The following ADAM2 variants were observed in gnomAD, a reference collection of about 807,000 sequenced individuals.
ADAM2 encodes ADAM metallopeptidase domain 2, also known as disintegrin and metalloproteinase domain-containing protein 2.
In ADAM2, 101 loss-of-function variants were observed where a neutral mutation model predicts 99.3. That is an observed-to-expected ratio of 1.02 (90% confidence interval 0.87 to 1.20). The LOEUF is 1.20. ADAM2 is among the 50% of genes most tolerant of loss of function. The pLI is 0.00. For synonymous variants in ADAM2, 323 were observed against 287.6 expected (o/e 1.12, Z -1.25); for missense variants, 948 against 878.7 (o/e 1.08, Z -1.00).
chr8:39,767,328 A>G lies in ADAM2; in HGVS notation c.1213-77T>C. The stretch of plus-strand genomic sequence containing the variant: ...GGACAGGCATGTTCATAAAGACAAC[A>G]TATTATATAACATACACATAGGTGC... On this transcript the variant is annotated intron_variant, in intron 12 of 20. Transcript: ENST00000265708. 4.0e-6 allele frequency: 5 copies of G among 1,236,812 alleles called. No homozygotes were observed. In the South Asian group the frequency reaches 6.4e-5, roughly 16 times the overall value. 76.6% of individuals were successfully genotyped at this position (1,236,812 alleles called of 1,614,324 possible).
At chr8:39,815,657 T>C (rs1243557335) in intron 6 of ADAM2, among the ~76,000 whole-genome samples, 1 of 152,162 alleles carries the variant, frequency 6.6e-6, no homozygotes, top group Admixed American at 6.6e-5. Flanking sequence ...GGCAGGGAAT[T>C]ACATGAAATT....
At chr8:39,809,725 G>C (rs1804613295) in intron 6 of ADAM2, among the ~76,000 whole-genome samples, 1 of 151,802 alleles carries the variant, frequency 6.6e-6, no homozygotes, top group South Asian at 2.1e-4. Flanking sequence ...TTGGTTCCAA[G>C]CTATTCATAT....
intron 7 of ADAM2, among the ~76,000 whole-genome samples, chr8:39,793,212 G>A (rs147144289): frequency 5.7e-4 from 87 of 152,134 alleles, no homozygotes; most frequent in Admixed American, 1.5e-3. Context: ...TAGTATTTAG[G>A]TCTGAAGTCT....
intron 11 of ADAM2, among the ~76,000 whole-genome samples, chr8:39,775,067 C>A (rs560150722): frequency 5.3e-5 from 8 of 152,094 alleles, no homozygotes; most frequent in South Asian, 4.2e-4. Context: ...CTTCTTTCTG[C>A]GGGGCCCACA....
chr8:39,788,588 A>G (rs1017457573), intron 8 of ADAM2, 81 bp downstream of exon 8: 2 of 938,458 alleles, frequency 2.1e-6, no homozygotes, highest in Admixed American at 2.6e-5. Flanking sequence ...CAACGTGTGG[A>G]TTCATGTAGT....
intron 10 of ADAM2, among the ~76,000 whole-genome samples, chr8:39,782,737 G>C (rs1006382471): frequency 2.6e-5 from 4 of 151,844 alleles, no homozygotes; most frequent in African/African-American, 9.7e-5. Flanking sequence ...CTAATATTTG[G>C]ATAATTTGTT....
chr8:39,760,059 G>T (rs945385158), intron 15 of ADAM2, among the ~76,000 whole-genome samples: 2 of 151,930 alleles, frequency 1.3e-5, no homozygotes, highest in African/African-American at 4.8e-5. Flanking sequence ...TAGAGACGGG[G>T]ATTCACCAGG....
intron 1 of ADAM2, among the ~76,000 whole-genome samples, chr8:39,837,459 T>G (rs1393660978): frequency 2.6e-5 from 4 of 152,016 alleles, no homozygotes; most frequent in Non-Finnish European, 5.9e-5. Flanking sequence ...AGATCTCTGC[T>G]CACTGCAACC....
At position 39,767,157 on chromosome 8, in the gene ADAM2, C is replaced by G. The variant is rs1410981731; in HGVS notation, c.1307G>C (p.Cys436Ser). Residue 436 changes from cysteine (C) to serine (S), a missense_variant, in exon 13 of 21, where the codon TGT (cysteine) becomes TCT (serine). Coordinates refer to ENST00000265708, the MANE Select transcript of ADAM2 (RefSeq NM_001464.5). ...AATTTTTCAAAAAGCTCTTACTAGA[C>G]AGTTTTCGCAGCATGGTCCTTCAGC... ...NCAEGPCCEN[C>S]LFMSKERMCR... 2 of 1,605,548 alleles carry G rather than the reference C, an allele frequency of 1.2e-6. No individual in the cohort carries two copies.
intron 15 of ADAM2, among the ~76,000 whole-genome samples, chr8:39,758,248 T>G (rs1802224418): frequency 1.3e-5 from 2 of 151,696 alleles, no homozygotes; most frequent in South Asian, 2.1e-4. Context: ...AAAAAAGAAA[T>G]AAAGGGCCAC....
chr8:39,836,204 CATTTTTT>C lies in ADAM2; in HGVS notation c.132+925_132+931del, dbSNP rs200524782. Among the ~76,000 whole-genome samples the C allele has an allele frequency of 3.3e-4, 50 of 151,626 alleles. No individual in the cohort carries two copies. In the East Asian group the frequency reaches 9.7e-3, roughly 29 times the overall value. On this transcript the variant is annotated intron_variant, in intron 2 of 20. Coordinates refer to ENST00000265708, the MANE Select transcript of ADAM2 (RefSeq NM_001464.5). ...CATGAATTTGACAGTTGAAAATGGG[CATTTTTT>C]TTTACTTATTGCAAATAACTATCTT...
At chr8:39,781,975 C>A (rs1222242173) in intron 10 of ADAM2, among the ~76,000 whole-genome samples, 4 of 152,114 alleles carry the variant, frequency 2.6e-5, no homozygotes, top group Non-Finnish European at 2.9e-5. Context: ...GGAAAACTAA[C>A]CTTTTAAATA....
chr8:39,755,966 A>G, intron 15 of ADAM2, 55 bp from the exon 16 acceptor site: 1 of 990,006 alleles, frequency 1.0e-6, no homozygotes. Context: ...AAGTACAAGA[A>G]TATAATTTTT....
intron 7 of ADAM2, among the ~76,000 whole-genome samples, chr8:39,798,365 A>G (rs1294499608): frequency 2.0e-5 from 3 of 152,236 alleles, no homozygotes; most frequent in Non-Finnish European, 4.4e-5. Flanking sequence ...ATGTTGAACC[A>G]GCCTTGCATC....
intron 7 of ADAM2, among the ~76,000 whole-genome samples, chr8:39,791,686 G>A (rs984419963): frequency 1.3e-5 from 2 of 152,056 alleles, no homozygotes; most frequent in African/African-American, 2.4e-5. Flanking sequence ...TTGTAGCAAA[G>A]CATATGACCT....
chr8:39,788,952 T>C (rs562969106), intron 7 of ADAM2, among the ~76,000 whole-genome samples: 1 of 151,610 alleles, frequency 6.6e-6, no homozygotes, highest in Non-Finnish European at 1.5e-5. Context: ...ATTTTTTCCA[T>C]AGAAATTTAA....
chr8:39,746,974 A>T (rs546411735), intron 18 of ADAM2, among the ~76,000 whole-genome samples: 1 of 152,242 alleles, frequency 6.6e-6, no homozygotes, highest in South Asian at 2.1e-4. Flanking sequence ...GTTGACAGGA[A>T]CTTCCCCACC....
intron 16 of ADAM2, among the ~76,000 whole-genome samples, chr8:39,751,968 GA>G (rs1423285318): frequency 6.6e-6 from 1 of 152,126 alleles, no homozygotes; most frequent in Non-Finnish European, 1.5e-5. Flanking sequence ...AAGTAACTGG[GA>G]TTACAGGCTT....
intron 5 of ADAM2, 90 bp downstream of exon 5, chr8:39,821,495 CT>C: frequency 9.6e-7 from 1 of 1,040,248 alleles, no homozygotes; most frequent in Non-Finnish European, 1.4e-6. Context: ...TCATGCCACA[CT>C]TTAGAACCAC....
Sources: allele counts gnomAD v4.1 joint callset (sites outside exome capture counted in the v4.1 genomes callset), GRCh38; gene constraint gnomAD v4.1.1; transcripts MANE v1.5; gene names NCBI Gene and HGNC (gene_info 2026-07-23, HGNC 2026-07-21).